The following DMD variants were observed in gnomAD, a reference collection of about 807,000 sequenced individuals.
The protein encoded by DMD is mutant dystrophin.
DMD carries 63 observed loss-of-function variants against 330.1 expected under a neutral mutation model. The observed-to-expected ratio is 0.19, with a 90% CI of 0.16 to 0.24. DMD has a LOEUF of 0.24. Among genes scored for constraint, DMD ranks in the 10% least tolerant of loss-of-function variants. The probability of loss-of-function intolerance (pLI) is 1.00; values close to 1 mark genes in which losing one functional copy is unlikely to be tolerated. For missense variants in DMD, 3,344 were observed against 2,684.1 expected (o/e 1.25, Z -5.43); for synonymous variants, 1,223 against 959.8 (o/e 1.27, Z -5.07).
chrX:33,324,275 T>G (rs181039378), intron 1 of DMD, among the ~76,000 whole-genome samples: 45 of 110,593 alleles, frequency 4.1e-4, no homozygotes, highest in African/African-American at 1.4e-3. Context: ...ATGTCATCAG[T>G]GATAAAATGA....
intron 2 of DMD, among the ~76,000 whole-genome samples, chrX:33,018,469 T>G (rs1238709379): frequency 8.9e-5 from 10 of 111,930 alleles, no homozygotes; most frequent in Admixed American, 8.6e-4. Flanking sequence ...GGATTGGATA[T>G]CAAGCTTTGA....
At chrX:33,215,194 A>G (rs1415337857), upstream of DMD, among the ~76,000 whole-genome samples, 1 of 109,182 alleles carries the variant, frequency 9.2e-6, no homozygotes, top group African/African-American at 3.3e-5. Context: ...CCGTGATGTC[A>G]GGCGCCTGTC....
chrX:32,405,776 C>T (rs1051027754), intron 30 of DMD, among the ~76,000 whole-genome samples: 1 of 111,343 alleles, frequency 9.0e-6, no homozygotes, highest in African/African-American at 3.3e-5. Flanking sequence ...TAGTTTTTTC[C>T]AATTCTCTGA....
At chrX:32,045,646 TG>T (rs1159258062) in intron 44 of DMD, among the ~76,000 whole-genome samples, 1 of 111,896 alleles carries the variant, frequency 8.9e-6, no homozygotes, top group Non-Finnish European at 1.9e-5. Context: ...TTATTCCTAT[TG>T]TATCTACTCT....
intron 62 of DMD, among the ~76,000 whole-genome samples, chrX:31,263,519 A>G (rs928299203): frequency 2.7e-5 from 3 of 111,946 alleles, no homozygotes; most frequent in African/African-American, 9.8e-5. Flanking sequence ...CTTTACTGGA[A>G]GAAGGAGGAA....
intron 9 of DMD, among the ~76,000 whole-genome samples, chrX:32,665,697 G>A (rs902002889): frequency 7.2e-5 from 8 of 111,794 alleles, no homozygotes; most frequent in African/African-American, 2.0e-4. Context: ...AGAAATGGAA[G>A]CATTGAAAAG....
chrX:32,027,187 G>C (rs867630438), intron 44 of DMD, among the ~76,000 whole-genome samples: 906 of 38,373 alleles, frequency 0.024, 12 homozygotes, highest in African/African-American at 0.085. Context: ...CACACACAGA[G>C]AGAGAGAGAG....
At chrX:31,985,814 A>G (rs2095505045) in intron 44 of DMD, among the ~76,000 whole-genome samples, 1 of 112,159 alleles carries the variant, frequency 8.9e-6, no homozygotes, top group South Asian at 3.7e-4. Flanking sequence ...GAGAATAATG[A>G]TAACGGAGAC....
At chrX:32,314,576 A>G (rs1249181680) in intron 41 of DMD, among the ~76,000 whole-genome samples, 1 of 111,513 alleles carries the variant, frequency 9.0e-6, no homozygotes, top group Non-Finnish European at 1.9e-5. Flanking sequence ...GAGCACAGCA[A>G]AAGACCCTAT....
At chrX:32,804,848 C>G (rs1291537802) in intron 7 of DMD, among the ~76,000 whole-genome samples, 2 of 111,953 alleles carry the variant, frequency 1.8e-5, no homozygotes, top group East Asian at 5.6e-4. Flanking sequence ...TAGAGTGGAC[C>G]TCCAGTAAAC....
At chrX:31,483,040 CTT>C (rs375059694) in intron 57 of DMD, among the ~76,000 whole-genome samples, 3 of 70,757 alleles carry the variant, frequency 4.2e-5, no homozygotes, top group Admixed American at 1.8e-4. Context: ...GGAAATGGAT[CTT>C]TTTTTTTTTT....
chrX:32,371,708 A>G (rs1422754570), intron 34 of DMD, among the ~76,000 whole-genome samples: 1 of 111,145 alleles, frequency 9.0e-6, no homozygotes, highest in Non-Finnish European at 1.9e-5. Flanking sequence ...TGATCAATTC[A>G]TATGCTAAAC....
intron 7 of DMD, among the ~76,000 whole-genome samples, chrX:32,803,014 A>G (rs755975208): frequency 9.0e-6 from 1 of 111,075 alleles, no homozygotes; most frequent in East Asian, 2.8e-4. Context: ...TTATTTTTCT[A>G]TTGTTTGGAA....
At chrX:31,570,087 T>C (rs1157837133) in intron 55 of DMD, among the ~76,000 whole-genome samples, 1 of 111,522 alleles carries the variant, frequency 9.0e-6, no homozygotes, top group Non-Finnish European at 1.9e-5. Flanking sequence ...CAGAATCTCC[T>C]ACTGCATTTG....
intron 44 of DMD, among the ~76,000 whole-genome samples, chrX:32,116,409 C>G (rs1393221602): frequency 8.9e-6 from 1 of 112,193 alleles, no homozygotes; most frequent in Non-Finnish European, 1.9e-5. Context: ...TATTCTCTAG[C>G]TCACTACTAG....
intron 21 of DMD, among the ~76,000 whole-genome samples, chrX:32,479,784 T>C (rs1375932987): frequency 9.1e-6 from 1 of 110,409 alleles, no homozygotes; most frequent in African/African-American, 3.3e-5. Flanking sequence ...TATATCACTA[T>C]ATATATCACA....
intron 62 of DMD, among the ~76,000 whole-genome samples, chrX:31,310,300 T>C (rs60899151): frequency 0.04 from 4,331 of 109,078 alleles, 231 homozygotes; most frequent in African/African-American, 0.14. Flanking sequence ...TACTTTTAAT[T>C]GGATGCATAA....
intron 2 of DMD, among the ~76,000 whole-genome samples, chrX:32,853,465 A>T (rs887497758): frequency 3.6e-5 from 4 of 111,931 alleles, no homozygotes; most frequent in African/African-American, 1.3e-4. Flanking sequence ...ACGAAGTTTG[A>T]GTTTTTAATT....
intron 5 of DMD, among the ~76,000 whole-genome samples, chrX:32,818,457 T>C: frequency 8.9e-6 from 1 of 111,785 alleles, no homozygotes; most frequent in East Asian, 2.8e-4. Flanking sequence ...CAAAAAATCA[T>C]TGAGCTGGTC....
Sources: gnomAD v4.1 joint callset for allele counts (sites outside exome capture counted in the v4.1 genomes callset) on GRCh38, gnomAD v4.1.1 for gene constraint, MANE v1.5 for transcripts, NCBI Gene and HGNC (gene_info 2026-07-23, HGNC 2026-07-21) for gene names.